ARHGEF16: variants seen among roughly 807,000 people sequenced by gnomAD.
ARHGEF16 encodes the protein Rho guanine nucleotide exchange factor 16.
ARHGEF16 carries 59 observed loss-of-function variants against 74.1 expected under a neutral mutation model. The observed-to-expected ratio is 0.80, with a 90% CI of 0.65 to 0.99. ARHGEF16 has a LOEUF of 0.99. ARHGEF16 is among the 50% of genes least tolerant of loss of function. The pLI, the probability that ARHGEF16 is intolerant of heterozygous loss-of-function variation, is 0.00. For synonymous variants in ARHGEF16, 415 were observed against 412.6 expected (o/e 1.01, Z -0.07); for missense variants, 948 against 986.6 (o/e 0.96, Z 0.52).
chr1:3,480,146 G>A (rs2100764308), intron 14 of ARHGEF16, among the ~76,000 whole-genome samples: 1 of 152,332 alleles, frequency 6.6e-6, no homozygotes. Context: ...GCCCTCCCAG[G>A]GGATCCCCGC....
rs944246384 is a variant in ARHGEF16 at position 3,468,868 on chromosome 1, G to T, written c.805-12G>T. On this transcript the variant is annotated splice_polypyrimidine_tract_variant and intron_variant, in intron 4 of 14. Coordinates refer to ENST00000378378, the MANE Select transcript of ARHGEF16 (RefSeq NM_014448.4). Reference sequence around the variant, plus strand: ...CGTGTGACCGAGAGCTCCTGGGCCTGTGTCCCCCCAGGTGGTGGAATTGGG... The same window carrying T: ...CGTGTGACCGAGAGCTCCTGGGCCTTTGTCCCCCCAGGTGGTGGAATTGGG... 4.3e-5 allele frequency: 67 copies of T among 1,550,256 alleles called. No individual in the cohort carries two copies. The Middle Eastern group carries it at 5.0e-4, about 12-fold the overall frequency.
rs41315268 is a variant in ARHGEF16 at position 3,463,374 on chromosome 1, G to T, written c.290G>T (p.Ser97Ile). The change falls in exon 2 of 15, where the codon AGC (serine) becomes ATC (isoleucine). Residue 97 changes from serine (S) to isoleucine (I), a missense_variant. Transcript: ENST00000378378. ...ATCCCTAAGAGCCTGGCTGTGGCCA[G>T]CAAGGCAAAGACCCCAGCCCGCCAC... ...QLIPKSLAVA[S>I]KAKTPARHQS... 6.5e-7 allele frequency: 1 copy of T among 1,550,258 alleles called. No individual in the cohort carries two copies. Among genetic ancestry groups the T allele is most frequent in the Non-Finnish European group, 8.7e-7 (1 of 1,146,914 alleles).
chr1:3,476,201 T>C, intron 10 of ARHGEF16, 139 bp downstream of exon 10: 2 of 865,648 alleles, frequency 2.3e-6, no homozygotes, highest in Non-Finnish European at 1.8e-6. Context: ...GGGCTGGGCC[T>C]CCTAGGGCTG....
chr1:3,455,427 G>T (rs1047376451), intron 1 of ARHGEF16, among the ~76,000 whole-genome samples: 1 of 152,152 alleles, frequency 6.6e-6, no homozygotes, highest in Non-Finnish European at 1.5e-5. Flanking sequence ...GAAGGGAGAT[G>T]GGGAGGGGGA....
At position 3,467,219 on chromosome 1, in the gene ARHGEF16, A is replaced by G; in HGVS notation, c.686A>G (p.Glu229Gly). Residue 229 changes from glutamate to glycine, a missense_variant, in exon 4 of 15, where the codon GAG becomes GGG. Glu to Gly is a moderately conservative substitution (Grantham distance 98). Transcript: ENST00000378378. ...GAGCGGGGCCTGAACACCAGCCAGG[A>G]GTCTGATGACGACATCCTCGATGAG... ...IQERGLNTSQESDDDILDESS... is the reference protein window; with the variant it reads ...IQERGLNTSQGSDDDILDESS... 1 of 1,550,658 alleles carries G rather than the reference A, an allele frequency of 6.4e-7. No homozygotes were observed. Among genetic ancestry groups the G allele is most frequent in the South Asian group, 1.2e-5 (1 of 84,060 alleles).
Position 3,480,790 on chromosome 1 carries a change from G to A in ARHGEF16, c.*203G>A, listed in dbSNP as rs547427918. 3 of 706,778 alleles carry A rather than the reference G, an allele frequency of 4.2e-6. No individual in the cohort carries two copies. The Admixed American group carries it at 9.2e-5, about 22-fold the overall frequency. 43.8% of individuals were successfully genotyped at this position (706,778 alleles called of 1,614,324 possible). On this transcript the variant is annotated 3_prime_UTR_variant, in exon 15 of 15. Coordinates refer to ENST00000378378, the MANE Select transcript of ARHGEF16 (RefSeq NM_014448.4). ...TCCCCAGAGAGGCACCCCCAGGCAA[G>A]CTCGAGGGGGCCACACCGTGTCCCA...
Position 3,479,607 on chromosome 1 carries a change from G to A in ARHGEF16, c.1888+17G>A. ...GCAAAGGAGGTGAGTGCGGGCTGGG[G>A]CCTGCAGGGCTGGCCCTCTGCCGTG... On this transcript the variant is annotated intron_variant, in intron 13 of 14. Coordinates refer to ENST00000378378, the MANE Select transcript of ARHGEF16 (RefSeq NM_014448.4). The A allele has an allele frequency of 6.2e-7, 1 of 1,608,300 alleles. No homozygotes were observed. Among genetic ancestry groups the A allele is most frequent in the Middle Eastern group, 1.7e-4 (1 of 6,036 alleles).
rs539702909 is a variant in ARHGEF16 at position 3,467,345 on chromosome 1, C to A, written c.804+8C>A. ...TGGAGCCAGCTCCCAGAGGTAGCGC[C>A]GGAGGGTGGGTGAGGCTGCCCCACA... On this transcript the variant is annotated splice_region_variant and intron_variant, in intron 4 of 14. Coordinates refer to ENST00000378378, the MANE Select transcript of ARHGEF16 (RefSeq NM_014448.4). 8.4e-6 allele frequency: 13 copies of A among 1,544,608 alleles called. No homozygotes were observed. Among genetic ancestry groups the A allele is most frequent in the Middle Eastern group, 3.4e-4 (2 of 5,962 alleles).
intron 6 of ARHGEF16, among the ~76,000 whole-genome samples, chr1:3,470,770 C>T (rs1287419254): frequency 2.4e-5 from 3 of 124,978 alleles, no homozygotes; most frequent in East Asian, 5.3e-4. Flanking sequence ...GAGGGTGGCT[C>T]GGGAGCATCC....
At chr1:3,459,078 G>A (rs1274843322) in intron 1 of ARHGEF16, among the ~76,000 whole-genome samples, 1 of 152,206 alleles carries the variant, frequency 6.6e-6, no homozygotes, top group African/African-American at 2.4e-5. Flanking sequence ...CGCAGCCCTA[G>A]ACAAGAGTGA....
At position 3,471,455 on chromosome 1, in the gene ARHGEF16, T is replaced by A. The variant is rs528019676; in HGVS notation, c.1023-1623T>A. ...TGAGGGTGGGCAGGGAGCCGCCTTG[T>A]CCCTGGAGACAGGGGCTTCCTGTAG... On this transcript the variant is annotated intron_variant, in intron 6 of 14. Transcript: ENST00000378378. Among the ~76,000 whole-genome samples, 94 of 151,990 alleles carry A rather than the reference T, an allele frequency of 6.2e-4. 3 individuals are homozygous for A. In the South Asian group the frequency reaches 0.016, roughly 27 times the overall value.
Position 3,463,313 on chromosome 1 carries a change from A to G in ARHGEF16, c.229A>G (p.Ser77Gly). The G allele has an allele frequency of 6.5e-7, 1 of 1,550,160 alleles. No individual in the cohort carries two copies. Among genetic ancestry groups the G allele is most frequent in the Non-Finnish European group, 8.7e-7 (1 of 1,146,866 alleles). The change falls in exon 2 of 15, where the codon AGC (serine) becomes GGC (glycine). Residue 77 changes from serine to glycine, a missense_variant. Transcript: ENST00000378378. ...ATGGCCCATCGTCCTGAGCACAGAG[A>G]GCCCGGCGGCCCTCAAGCTGGGCAC... ...EPWPIVLSTE[S>G]PAALKLGTQQ...
At chr1:3,467,392 C>T (rs1639578186) in intron 4 of ARHGEF16, 55 bp downstream of exon 4, 4 of 1,501,118 alleles carry the variant, frequency 2.7e-6, no homozygotes, top group African/African-American at 1.4e-5. Context: ...AAGCCACAGT[C>T]CCCCTGCTGT....
chr1:3,480,701 G>C lies in ARHGEF16; in HGVS notation c.*114G>C. 1 of 1,379,476 alleles carries C rather than the reference G, an allele frequency of 7.2e-7. No homozygotes were observed. 85.5% of individuals were successfully genotyped at this position (1,379,476 alleles called of 1,614,324 possible). ...CAAGGACCCAGCATGGTTCCCTGGG[G>C]CTTCCCAAGAGCCTGTGGCTGTGGT... On this transcript the variant is annotated 3_prime_UTR_variant, in exon 15 of 15. Coordinates refer to ENST00000378378, the MANE Select transcript of ARHGEF16 (RefSeq NM_014448.4).
intron 4 of ARHGEF16, 147 bp from the exon 5 acceptor site, chr1:3,468,733 A>G: frequency 1.2e-6 from 1 of 810,732 alleles, no homozygotes. Context: ...TCGGCAGGAC[A>G]GGCCTACTCC....
intron 1 of ARHGEF16, among the ~76,000 whole-genome samples, chr1:3,456,586 T>C (rs1639271243): frequency 6.6e-6 from 1 of 152,216 alleles, no homozygotes; most frequent in Non-Finnish European, 1.5e-5. Context: ...CCTCTGCACC[T>C]GGTTTCCTTA....
At chr1:3,478,237 C>T (rs558197627) in intron 11 of ARHGEF16, 187 bp from the exon 12 acceptor site, 24 of 897,248 alleles carry the variant, frequency 2.7e-5, no homozygotes, top group Admixed American at 5.5e-5. Context: ...CTGGGTCTGC[C>T]GGTGATAGCC....
At position 3,476,029 on chromosome 1, in the gene ARHGEF16, G is replaced by A. The variant is rs148787654; in HGVS notation, c.1440G>A (p.Thr480=). ...HRMERMEQMY[T]LHTQLDFSKV... ...TGGAGCGCATGGAGCAGATGTACAC[G>A]CTGCACACACAGCTGGACTTCAGCA... is the stretch of plus-strand genomic sequence containing the variant. The change falls in exon 10 of 15, where the codon ACG becomes ACA. Residue 480 remains threonine (T), a synonymous_variant. Transcript: ENST00000378378. 3.0e-5 allele frequency: 47 copies of A among 1,556,490 alleles called. No individual in the cohort carries two copies. Among genetic ancestry groups the A allele is most frequent in the Admixed American group, 5.8e-5 (3 of 51,904 alleles).
At chr1:3,457,998 G>T (rs1290904210) in intron 1 of ARHGEF16, among the ~76,000 whole-genome samples, 1 of 152,214 alleles carries the variant, frequency 6.6e-6, no homozygotes, top group Non-Finnish European at 1.5e-5. Flanking sequence ...CTATGGGGCT[G>T]CCCTGGCCCA....
Sources: gnomAD v4.1 joint callset for allele counts (sites outside exome capture counted in the v4.1 genomes callset) on GRCh38, gnomAD v4.1.1 for gene constraint, MANE v1.5 for transcripts, NCBI Gene and HGNC (gene_info 2026-07-23, HGNC 2026-07-21) for gene names.